Variants in HEATR4 observed in about 807,000 individuals in gnomAD.
HEATR4 encodes HEAT repeat containing 4, also known as HEAT repeat-containing protein 4.
HEATR4 carries 95 observed loss-of-function variants against 108.8 expected under a neutral mutation model. The observed-to-expected ratio is 0.87, with a 90% CI of 0.74 to 1.04. The LOEUF is 1.04. Among genes scored for constraint, HEATR4 ranks in the 50% least tolerant of loss-of-function variants. HEATR4 has a pLI of 0.00. For synonymous variants in HEATR4, 443 were observed against 459.4 expected (o/e 0.96, Z 0.46); for missense variants, 1,152 against 1,253.8 (o/e 0.92, Z 1.23).
chr14:73,518,992 C>T, intron 5 of HEATR4, 31 bp downstream of exon 5: 2 of 1,595,998 alleles, frequency 1.3e-6, no homozygotes, highest in South Asian at 2.3e-5. Flanking sequence ...CCGTTATTAA[C>T]CCCTGCCTTC....
chr14:73,517,685 G>C (rs1319557946), intron 5 of HEATR4, among the ~76,000 whole-genome samples: 1 of 125,504 alleles, frequency 8.0e-6, no homozygotes, highest in African/African-American at 3.0e-5. Flanking sequence ...AAAAAAAGAA[G>C]AAGAAAAGAG....
chr14:73,484,371 TTTTG>T (rs549666336), intron 17 of HEATR4, among the ~76,000 whole-genome samples: 4 of 151,932 alleles, frequency 2.6e-5, no homozygotes, highest in African/African-American at 9.7e-5. Flanking sequence ...AACTGTGGTT[TTTTG>T]TTTGTTTGTT....
intron 17 of HEATR4, among the ~76,000 whole-genome samples, chr14:73,486,555 G>C (rs1049051779): frequency 2.7e-4 from 41 of 152,036 alleles, no homozygotes; most frequent in Admixed American, 2.7e-3. Flanking sequence ...AAAATTAGCC[G>C]GGTGTGGTGG....
intron 5 of HEATR4, among the ~76,000 whole-genome samples, chr14:73,516,964 T>C (rs762551723): frequency 4.6e-5 from 7 of 152,164 alleles, no homozygotes; most frequent in African/African-American, 7.2e-5. Context: ...GGACTGCCGA[T>C]CTAAAGGGAG....
At chr14:73,569,926 A>T in the HEATR4 span, 1 of 1,572,190 alleles carries the variant, frequency 6.4e-7, no homozygotes, top group Admixed American at 1.8e-5. Context: ...TTCGCCTTTC[A>T]CTTTGTGTGT....
At position 73,531,314 on chromosome 14, in the gene HEATR4, G is replaced by A. The variant is rs1002111757; in HGVS notation, c.-151-1070C>T. 14 of 112,528 alleles carry A rather than the reference G, an allele frequency of 1.2e-4. 2 individuals carry two copies. Among genetic ancestry groups the A allele is most frequent in the African/African-American group, 4.0e-4 (14 of 34,604 alleles). 7.0% of individuals were successfully genotyped at this position (112,528 alleles called of 1,614,324 possible). A position where few individuals can be genotyped will look rare whatever the true frequency, so the allele number is the denominator to read the frequency against. ...AGAGAACTTGTGGGTTCAGTCGGGG[G>A]TATATCTTCAACCATTTATTAAATT... On this transcript the variant is annotated intron_variant, in intron 1 of 17. Coordinates refer to ENST00000553558, the MANE Select transcript of HEATR4 (RefSeq NM_001220484.1).
chr14:73,499,385 T>C (rs988004310), intron 12 of HEATR4, among the ~76,000 whole-genome samples: 1 of 151,772 alleles, frequency 6.6e-6, no homozygotes, highest in Non-Finnish European at 1.5e-5. Flanking sequence ...GAGGCTGAGG[T>C]AGGAGAATTG....
At chr14:73,561,869 C>A (rs1200752893), upstream of HEATR4, among the ~76,000 whole-genome samples, 5 of 152,004 alleles carry the variant, frequency 3.3e-5, no homozygotes, top group African/African-American at 2.4e-5. Flanking sequence ...CTTGTCGTCC[C>A]AGCTACTGGG....
chr14:73,525,569 A>G (rs962758188), intron 2 of HEATR4, among the ~76,000 whole-genome samples: 8 of 152,186 alleles, frequency 5.3e-5, no homozygotes, highest in Non-Finnish European at 8.8e-5. Context: ...CTGGCTGAAA[A>G]TAGAAAGGCT....
intron 1 of HEATR4, among the ~76,000 whole-genome samples, chr14:73,540,742 CTTTTTT>C (rs200357086): frequency 1.7e-4 from 14 of 81,192 alleles, no homozygotes; most frequent in Admixed American, 3.0e-4. Context: ...TGTTTGCATT[CTTTTTT>C]TTTTTTTTTT....
At chr14:73,588,196 C>T in the HEATR4 span, among the ~76,000 whole-genome samples, 1 of 152,018 alleles carries the variant, frequency 6.6e-6, no homozygotes, top group Non-Finnish European at 1.5e-5. Flanking sequence ...GACAGGGTTT[C>T]ACCATCTTGG....
chr14:73,577,948 T>C, the HEATR4 span, among the ~76,000 whole-genome samples: 4 of 151,856 alleles, frequency 2.6e-5, no homozygotes, highest in Non-Finnish European at 5.9e-5. Flanking sequence ...CCTCCTGGGT[T>C]CACGTGATTC....
rs1161204916 is a variant in HEATR4 at position 73,519,093 on chromosome 14, G to T, written c.1140C>A (p.Tyr380Ter). The change falls in exon 5 of 18, where the codon TAC (tyrosine) becomes TAA (stop). Residue 380 changes from tyrosine to a stop codon, truncating the protein, a stop_gained. Transcript: ENST00000553558. LOFTEE classifies it high-confidence loss of function. ...DQIVLENLNR[Y>*]NKQLSKVFPE... ...GGAAGACCTTAGATAGCTGCTTGTT[G>T]TACCGATTTAGGTTTTCCAGGACAA... The T allele has an allele frequency of 1.2e-6, 2 of 1,613,968 alleles. No homozygotes were observed. Among genetic ancestry groups the T allele is most frequent in the Admixed American group, 1.7e-5 (1 of 60,004 alleles).
chr14:73,577,749 C>T, the HEATR4 span, among the ~76,000 whole-genome samples: 2 of 152,106 alleles, frequency 1.3e-5, no homozygotes, highest in East Asian at 3.9e-4. Flanking sequence ...TGTAGAAGCA[C>T]ATGCCTGTAA....
chr14:73,626,330 C>T, the HEATR4 span, among the ~76,000 whole-genome samples: 1 of 152,074 alleles, frequency 6.6e-6, no homozygotes, highest in Admixed American at 6.6e-5. Context: ...TTGTGTTGGG[C>T]CACATTCAAA....
At chr14:73,523,994 T>G (rs1888137696) in intron 2 of HEATR4, among the ~76,000 whole-genome samples, 4 of 152,048 alleles carry the variant, frequency 2.6e-5, no homozygotes, top group Admixed American at 1.3e-4. Flanking sequence ...ATTGTTAAAA[T>G]ATTTAATAGC....
chr14:73,537,564 C>A, intron 1 of HEATR4: 1 of 1,214,044 alleles, frequency 8.2e-7, no homozygotes, highest in South Asian at 1.4e-5. Context: ...CTTTTCCAGG[C>A]CCACGCGCGC....
At chr14:73,538,671 CAAACA>C (rs1306521822) in intron 1 of HEATR4, among the ~76,000 whole-genome samples, 5 of 96,326 alleles carry the variant, frequency 5.2e-5, no homozygotes, top group Admixed American at 2.3e-4. Context: ...ATATTAAAAA[CAAACA>C]AAACAAAACA....
At chr14:73,629,174 A>AC in the HEATR4 span, among the ~76,000 whole-genome samples, 2 of 152,080 alleles carry the variant, frequency 1.3e-5, no homozygotes. Context: ...AAAGATTACG[A>AC]CCCACTGAAG....
Sources: allele counts gnomAD v4.1 joint callset (sites outside exome capture counted in the v4.1 genomes callset), GRCh38; gene constraint gnomAD v4.1.1; transcripts MANE v1.5; gene names NCBI Gene and HGNC (gene_info 2026-07-23, HGNC 2026-07-21).